Variants in RPS6KA4 observed in about 807,000 individuals in gnomAD.
RPS6KA4 encodes the protein ribosomal protein S6 kinase A4, also known as ribosomal protein S6 kinase alpha-4.
In RPS6KA4, 38 loss-of-function variants were observed where a neutral mutation model predicts 89.6. The ratio of observed to expected loss-of-function variants is 0.42; its 90% CI spans 0.33 to 0.56. The LOEUF (loss-of-function observed/expected upper bound fraction) is 0.56. Among genes scored for constraint, RPS6KA4 ranks in the 20% least tolerant of loss-of-function variants. The probability of loss-of-function intolerance (pLI) is 0.07; values close to 1 mark genes in which losing one functional copy is unlikely to be tolerated. For synonymous variants in RPS6KA4, 495 were observed against 492.8 expected (o/e 1.00, Z -0.06); for missense variants, 873 against 1,098.8 (o/e 0.79, Z 2.90).
Position 64,369,463 on chromosome 11 carries a change from C to G in RPS6KA4, c.1446C>G (p.Val482=). The G allele has an allele frequency of 6.2e-7, 1 of 1,607,218 alleles. No individual in the cohort carries two copies. The highest frequency in any genetic ancestry group is 8.5e-7 in the Non-Finnish European group (1 of 1,178,452). ...VHHDQLHTYL[V]LELLRGGELL... is the part of the protein sequence containing the mutation. ...GCCCGCAGCTGCACACGTACCTGGT[C>G]CTGGAGCTGCTGCGGGGCGGGGAGC... The change falls in exon 13 of 17, where the codon GTC becomes GTG. Residue 482 remains valine, a synonymous_variant. Transcript: ENST00000334205.
chr11:64,370,768 C>A lies in RPS6KA4; in HGVS notation c.2121+42C>A. On this transcript the variant is annotated intron_variant, in intron 16 of 16. Transcript: ENST00000334205. This position sits in a 1 kb window ranked among gnomAD's most constrained non-coding sequence, Gnocchi z 4.1. ...GTTGAAGGGAAGGGGTGGGCGAAGC[C>A]TCGAGAGGTGGGGTCTGGGGAGGCC... The A allele has an allele frequency of 6.8e-7, 1 of 1,478,834 alleles. No individual in the cohort carries two copies. The highest frequency in any genetic ancestry group is 9.0e-7 in the Non-Finnish European group (1 of 1,114,056). The allele number at this position is 1,478,834 out of a possible 1,614,324, so 91.6% of individuals were successfully genotyped here.
Position 64,368,568 on chromosome 11 carries a change from G to A in RPS6KA4, c.1301G>A (p.Gly434Asp). The A allele has an allele frequency of 6.3e-7, 1 of 1,599,764 alleles. No homozygotes were observed. Among genetic ancestry groups the A allele is most frequent in the Non-Finnish European group, 8.5e-7 (1 of 1,175,628 alleles). ...CGCCGCTGCCGCCAGCGCCAGAGCGGCCAGGAGTTCGCAGTCAAGATCCTC... is the reference window on the plus strand; with the variant it reads ...CGCCGCTGCCGCCAGCGCCAGAGCGACCAGGAGTTCGCAGTCAAGATCCTC... Reference protein sequence around the residue: ...VCRRCRQRQSGQEFAVKILSR... With the variant: ...VCRRCRQRQSDQEFAVKILSR... The change falls in exon 11 of 17, where the codon GGC becomes GAC. Residue 434 changes from glycine (G) to aspartate (D), a missense_variant. Gly to Asp is a moderately conservative substitution (Grantham distance 94). Transcript: ENST00000334205.
chr11:64,360,312 C>G lies in RPS6KA4; in HGVS notation c.277C>G (p.Arg93Gly). 1 of 1,548,792 alleles carries G rather than the reference C, an allele frequency of 6.5e-7. No individual in the cohort carries two copies. The highest frequency in any genetic ancestry group is 8.7e-7 in the Non-Finnish European group (1 of 1,146,608). ...RTERSVLELV[R>G]QAPFLVTLHY... ...CGAGCGCTCGGTGCTGGAGCTGGTG[C>G]GCCAGGCGCCCTTCCTGGTCACGCT... Residue 93 changes from arginine to glycine, a missense_variant, in exon 3 of 17, where the codon CGC becomes GGC. Transcript: ENST00000334205.
chr11:64,361,357 C>T lies in RPS6KA4; in HGVS notation c.571-112C>T, dbSNP rs926587575. ...GAAGTGAATAGCTCCAAGAAGTTTC[C>T]ACAGCTCAGCTCTCCAACCTCACAA... On this transcript the variant is annotated intron_variant, in intron 5 of 16. Transcript: ENST00000334205. This position sits in a 1 kb window ranked among gnomAD's most constrained non-coding sequence, Gnocchi z 4.7. 2.0e-6 allele frequency: 3 copies of T among 1,466,720 alleles called. No homozygotes were observed. The African/African-American group carries it at 4.2e-5, about 20-fold the overall frequency. The allele number at this position is 1,466,720 out of a possible 1,614,324, so 90.9% of individuals were successfully genotyped here. A position where few individuals can be genotyped will look rare whatever the true frequency, so the allele number is the denominator to read the frequency against.
intron 9 of RPS6KA4, 64 bp from the exon 10 acceptor site, chr11:64,368,068 A>T (rs111681371): frequency 5.8e-6 from 9 of 1,559,088 alleles, no homozygotes; most frequent in Middle Eastern, 1.7e-4. Context: ...TCCCCACCAG[A>T]GTCTCCTCAC....
chr11:64,369,992 G>A (rs2037014787), intron 14 of RPS6KA4, 99 bp downstream of exon 14: 1 of 1,294,398 alleles, frequency 7.7e-7, no homozygotes, highest in African/African-American at 1.5e-5. Flanking sequence ...TCATCTTGGT[G>A]GGGGCGGCTG....
intron 4 of RPS6KA4, 143 bp from the exon 5 acceptor site, chr11:64,360,991 T>C (rs926726007): frequency 8.0e-6 from 5 of 623,728 alleles, no homozygotes; most frequent in African/African-American, 5.5e-5. Flanking sequence ...GCCTTTCTTA[T>C]TCAGTGGCTC....
Position 64,360,608 on chromosome 11 carries a change from G to T in RPS6KA4, c.462+16G>T. On this transcript the variant is annotated intron_variant, in intron 4 of 16. Transcript: ENST00000334205. ...CCTGCACAAGGTGGGTGAAGACCTGGCCGCAGGCTGTTGCTATGGAAACTG... is the reference window on the plus strand; with the variant it reads ...CCTGCACAAGGTGGGTGAAGACCTGTCCGCAGGCTGTTGCTATGGAAACTG... 4 of 1,576,814 alleles carry T rather than the reference G, an allele frequency of 2.5e-6. No individual in the cohort carries two copies. Among genetic ancestry groups the T allele is most frequent in the Non-Finnish European group, 3.5e-6 (4 of 1,159,310 alleles).
In RPS6KA4 at chr11:64,370,829, G is replaced by A. The variant is rs1237956975; in HGVS notation, c.2121+103G>A. On this transcript the variant is annotated intron_variant, in intron 16 of 16. Coordinates refer to ENST00000334205, the MANE Select transcript of RPS6KA4 (RefSeq NM_003942.3). The surrounding 1 kb of genome is among the most constrained non-coding windows in gnomAD (Gnocchi z 4.1). The stretch of plus-strand genomic sequence containing the variant: ...AGCACAGAAAGGCGAGGTGAGGCCG[G>A]GCGCGGTGGCTCACGCCTGTAATCC... 7.3e-7 allele frequency: 1 copy of A among 1,369,994 alleles called. No individual in the cohort carries two copies. The highest frequency in any genetic ancestry group is 2.5e-5 in the East Asian group (1 of 39,328). 84.9% of individuals were successfully genotyped at this position (1,369,994 alleles called of 1,614,324 possible).
In RPS6KA4 at chr11:64,360,224, C is replaced by G; in HGVS notation, c.189C>G (p.Ala63=). 1.3e-6 allele frequency: 2 copies of G among 1,548,334 alleles called. No individual in the cohort carries two copies. The highest frequency in any genetic ancestry group is 1.7e-6 in the Non-Finnish European group (2 of 1,146,912). ...AGGHDAGKLY[A]MKVLRKAALV... Reference sequence around the variant, plus strand: ...GGCACGACGCGGGGAAGCTGTACGCCATGAAGGTGCTGCGCAAGGCGGCGC... The same window carrying G: ...GGCACGACGCGGGGAAGCTGTACGCGATGAAGGTGCTGCGCAAGGCGGCGC... The change falls in exon 3 of 17, where the codon GCC becomes GCG. Residue 63 remains alanine (A), a synonymous_variant. Coordinates refer to ENST00000334205, the MANE Select transcript of RPS6KA4 (RefSeq NM_003942.3).
intron 16 of RPS6KA4, among the ~76,000 whole-genome samples, 182 bp from the exon 17 acceptor site, chr11:64,371,101 C>CAAAA (rs374004148): frequency 1.1e-5 from 1 of 88,780 alleles, no homozygotes; most frequent in East Asian, 3.7e-4. Flanking sequence ...GAGACTCCGT[C>CAAAA]AAAAAAAAAA....
At position 64,368,242 on chromosome 11, in the gene RPS6KA4, C is replaced by T. The variant is rs372104570; in HGVS notation, c.1182C>T (p.Ala394=). 2.8e-5 allele frequency: 45 copies of T among 1,613,258 alleles called. No homozygotes were observed. The highest frequency in any genetic ancestry group is 3.5e-5 in the Non-Finnish European group (41 of 1,179,998). The change falls in exon 10 of 17, where the codon GCC becomes GCT. Residue 394 remains alanine, a synonymous_variant. Coordinates refer to ENST00000334205, the MANE Select transcript of RPS6KA4 (RefSeq NM_003942.3). Reference sequence around the variant, plus strand: ...ACCGGCCAGGTCGGGCAGCGGTGGCCAGGAGCGCTATGATGCAGGTGGGCT... The same window carrying T: ...ACCGGCCAGGTCGGGCAGCGGTGGCTAGGAGCGCTATGATGCAGGTGGGCT... The part of the protein sequence containing the change: ...AGDRPGRAAV[A]RSAMMQDSPF...
chr11:64,368,453 C>T lies in RPS6KA4; in HGVS notation c.1201-15C>T. 2 of 1,547,418 alleles carry T rather than the reference C, an allele frequency of 1.3e-6. No individual in the cohort carries two copies. Among genetic ancestry groups the T allele is most frequent in the Non-Finnish European group, 1.7e-6 (2 of 1,146,622 alleles). ...GACGCGCCGCCTTCGCCTTCGCCTT[C>T]GCCTTCGCCTCCAGGACTCGCCCTT... On this transcript the variant is annotated splice_polypyrimidine_tract_variant and intron_variant, in intron 10 of 16. Transcript: ENST00000334205.
chr11:64,368,285 G>A (rs1203474390), intron 10 of RPS6KA4, 25 bp downstream of exon 10: 3 of 1,611,016 alleles, frequency 1.9e-6, no homozygotes, highest in East Asian at 2.2e-5. Flanking sequence ...GCTGGGTTGG[G>A]GGGAAATTGG....
At chr11:64,364,418 T>C (rs2036827643) in intron 8 of RPS6KA4, among the ~76,000 whole-genome samples, 1 of 152,170 alleles carries the variant, frequency 6.6e-6, no homozygotes, top group South Asian at 2.1e-4. Flanking sequence ...TAATTGTGTA[T>C]ATTGGTTCGT....
Position 64,361,453 on chromosome 11 carries a change from C to A in RPS6KA4, c.571-16C>A, listed in dbSNP as rs761385177. ...GAGAGGTTTCGACATCTAAGCAGGA[C>A]CTCTTGCCCTCCCAGAAAGAGCGGA... On this transcript the variant is annotated splice_polypyrimidine_tract_variant and intron_variant, in intron 5 of 16. Coordinates refer to ENST00000334205, the MANE Select transcript of RPS6KA4 (RefSeq NM_003942.3). The surrounding 1 kb of genome is among the most constrained non-coding windows in gnomAD (Gnocchi z 4.7). 1 of 1,613,890 alleles carries A rather than the reference C, an allele frequency of 6.2e-7. No individual in the cohort carries two copies. The highest frequency in any genetic ancestry group is 1.1e-5 in the South Asian group (1 of 91,070).
intron 11 of RPS6KA4, 46 bp downstream of exon 11, chr11:64,368,647 G>A (rs1283394221): frequency 6.3e-7 from 1 of 1,576,096 alleles, no homozygotes; most frequent in South Asian, 1.2e-5. Flanking sequence ...GCAGAGCGCT[G>A]TCCCGGGGGC....
intron 1 of RPS6KA4, 27 bp from the exon 2 acceptor site, chr11:64,359,351 G>A (rs1284302141): frequency 1.2e-6 from 2 of 1,611,610 alleles, no homozygotes; most frequent in Admixed American, 1.7e-5. Context: ...TGGACCGGCT[G>A]GGCTCATTCG....
rs1202825852 is a variant in RPS6KA4, at chr11:64,371,524, G to C, written c.*44G>C. ...CCTTCCCTCATAGGGGCTGTGACCTGGGAGCCCGGCTCACTCCCGGAGGCC... is the reference window on the plus strand; with the variant it reads ...CCTTCCCTCATAGGGGCTGTGACCTCGGAGCCCGGCTCACTCCCGGAGGCC... On this transcript the variant is annotated 3_prime_UTR_variant, in exon 17 of 17. Transcript: ENST00000334205. 3.8e-6 allele frequency: 3 copies of C among 786,612 alleles called. No individual in the cohort carries two copies. Among genetic ancestry groups the C allele is most frequent in the Middle Eastern group, 7.3e-4 (2 of 2,744 alleles). 48.7% of individuals were successfully genotyped at this position (786,612 alleles called of 1,614,324 possible). A position where few individuals can be genotyped will look rare whatever the true frequency, so the allele number is the denominator to read the frequency against.
Sources: allele counts gnomAD v4.1 joint callset (sites outside exome capture counted in the v4.1 genomes callset), GRCh38; gene constraint gnomAD v4.1.1; non-coding constraint Gnocchi (gnomAD v3.1); transcripts MANE v1.5; gene names NCBI Gene and HGNC (gene_info 2026-07-23, HGNC 2026-07-21).